Variants in NRG4 observed in about 807,000 individuals in gnomAD.
NRG4 encodes neuregulin 4.
In NRG4, 10 loss-of-function variants were observed where a neutral mutation model predicts 15.0. The observed-to-expected ratio is 0.67, with a 90% CI of 0.41 to 1.13. The LOEUF (loss-of-function observed/expected upper bound fraction) is 1.13, where lower values mean the gene tolerates loss of function less well. Ranked by LOEUF, NRG4 falls within the 50% of genes most tolerant of loss-of-function variation. NRG4 has a pLI of 0.00. For missense variants in NRG4, 139 were observed against 140.2 expected (o/e 0.99, Z 0.04); for synonymous variants, 41 against 50.1 (o/e 0.82, Z 0.77).
downstream of NRG4, chr15:75,940,429 TAC>T (rs939881382): frequency 2.0e-5 from 3 of 150,872 alleles, no homozygotes; most frequent in African/African-American, 7.3e-5. Context: ...GCAGATTCAC[TAC>T]AGTCTCTATC....
At chr15:76,054,509 G>A (rs565784686) in intron 2 of NRG4, among the ~76,000 whole-genome samples, 8 of 152,072 alleles carry the variant, frequency 5.3e-5, no homozygotes, top group Non-Finnish European at 1.0e-4. Flanking sequence ...CCGCCTCCCC[G>A]GTTCAAGCGA....
chr15:76,011,209 A>G lies in NRG4; in HGVS notation c.10+12T>C. 7.0e-7 allele frequency: 1 copy of G among 1,431,764 alleles called. No homozygotes were observed. Among genetic ancestry groups the G allele is most frequent in the Non-Finnish European group, 9.2e-7 (1 of 1,081,344 alleles). 88.7% of individuals were successfully genotyped at this position (1,431,764 alleles called of 1,614,324 possible). A position where few individuals can be genotyped will look rare whatever the true frequency, so the allele number is the denominator to read the frequency against. On this transcript the variant is annotated intron_variant, in intron 2 of 5. Transcript: ENST00000394907. ...CATATTGACAAAAACATATAAATATATAAGAAATTACCTGTTGGCATCTTA... is the reference window on the plus strand; with the variant it reads ...CATATTGACAAAAACATATAAATATGTAAGAAATTACCTGTTGGCATCTTA...
At chr15:76,041,971 A>G (rs2035754012) in intron 4 of NRG4, among the ~76,000 whole-genome samples, 1 of 152,212 alleles carries the variant, frequency 6.6e-6, no homozygotes, top group African/African-American at 2.4e-5. Flanking sequence ...TTGAAATAAT[A>G]TCAAACATCT....
intron 1 of NRG4, chr15:76,012,072 CAG>C (rs905050891): frequency 6.6e-6 from 1 of 151,980 alleles, no homozygotes; most frequent in African/African-American, 2.4e-5. Context: ...CTGACCTAAA[CAG>C]AAAGACTCTA....
At chr15:76,002,150 T>C (rs1387936142) in intron 3 of NRG4, among the ~76,000 whole-genome samples, 2 of 152,248 alleles carry the variant, frequency 1.3e-5, no homozygotes, top group Middle Eastern at 3.4e-3. Context: ...AATGGACTTA[T>C]CACTAAACAT....
At chr15:76,054,258 TTAAAA>T in intron 2 of NRG4, among the ~76,000 whole-genome samples, 1 of 150,676 alleles carries the variant, frequency 6.6e-6, no homozygotes, top group East Asian at 1.9e-4. Context: ...TGGCTAATTC[TTAAAA>T]TATTTTTGGT....
chr15:75,998,332 G>T (rs1466771448), intron 3 of NRG4, among the ~76,000 whole-genome samples: 1 of 152,170 alleles, frequency 6.6e-6, no homozygotes, highest in East Asian at 1.9e-4. Flanking sequence ...AATAGGCGAA[G>T]AATGGGTTTT....
At chr15:75,988,853 CTTTTTTTTTTTTT>C (rs71444946) in intron 3 of NRG4, among the ~76,000 whole-genome samples, 6 of 109,652 alleles carry the variant, frequency 5.5e-5, no homozygotes, top group African/African-American at 2.1e-4. Context: ...CTGCACCTTC[CTTTTTTTTTTTTT>C]TTTTTTTTTG....
At chr15:76,051,565 CTTTTT>C (rs917470740) in intron 4 of NRG4, among the ~76,000 whole-genome samples, 6 of 133,484 alleles carry the variant, frequency 4.5e-5, no homozygotes, top group African/African-American at 8.5e-5. Flanking sequence ...GAACAATCTT[CTTTTT>C]TTTTTTTTTT....
upstream of NRG4, among the ~76,000 whole-genome samples, chr15:76,014,440 T>C (rs903474537): frequency 1.4e-4 from 22 of 152,358 alleles, no homozygotes; most frequent in African/African-American, 5.3e-4. Flanking sequence ...CTGAATGGTA[T>C]TGCCTAGGTT....
intron 5 of NRG4, among the ~76,000 whole-genome samples, chr15:75,952,404 T>C (rs1028607382): frequency 6.6e-6 from 1 of 152,210 alleles, no homozygotes; most frequent in Non-Finnish European, 1.5e-5. Context: ...TTGCAGCATA[T>C]ATTACTACTT....
Position 76,009,312 on chromosome 15 carries a change from TA to T in NRG4, c.11-20del. ...TCGTGATCTAGAACACATACATATA[TA>T]AAATAGAGAAAAGCAAATTAAAGTT... On this transcript the variant is annotated intron_variant, in intron 2 of 5. Coordinates refer to ENST00000394907, the MANE Select transcript of NRG4 (RefSeq NM_138573.4). 1 of 1,306,090 alleles carries T rather than the reference TA, an allele frequency of 7.7e-7. No homozygotes were observed. The highest frequency in any genetic ancestry group is 1.1e-6 in the Non-Finnish European group (1 of 945,096). The allele number at this position is 1,306,090 out of a possible 1,614,324, so 80.9% of individuals were successfully genotyped here.
intron 3 of NRG4, among the ~76,000 whole-genome samples, chr15:75,994,644 C>T (rs1025089257): frequency 3.3e-5 from 5 of 152,182 alleles, no homozygotes; most frequent in Admixed American, 2.6e-4. Flanking sequence ...TTAATCAGAA[C>T]TTATATTGAT....
At chr15:76,022,140 G>A (rs1245056610) in intron 5 of NRG4, among the ~76,000 whole-genome samples, 2 of 152,168 alleles carry the variant, frequency 1.3e-5, no homozygotes, top group Non-Finnish European at 2.9e-5. Flanking sequence ...GCCACAGTCT[G>A]GTACTGGTCT....
intron 3 of NRG4, among the ~76,000 whole-genome samples, chr15:75,988,439 G>A (rs987763358): frequency 2.0e-5 from 3 of 152,030 alleles, no homozygotes; most frequent in Non-Finnish European, 2.9e-5. Context: ...TGCCCACTTC[G>A]GCCTCCCAAA....
At chr15:76,041,128 C>G in intron 4 of NRG4, among the ~76,000 whole-genome samples, 1 of 151,988 alleles carries the variant, frequency 6.6e-6, no homozygotes, top group Admixed American at 6.5e-5. Context: ...TATTTGCAAG[C>G]TTTATGGTAA....
chr15:75,939,459 T>C (rs1306522477), downstream of NRG4: 4 of 152,198 alleles, frequency 2.6e-5, no homozygotes, highest in Admixed American at 2.6e-4. Flanking sequence ...CTGGACCTGA[T>C]GGTTTTCATT....
rs2036123753 is a variant in NRG4 at position 76,055,175 on chromosome 15, C to T, written c.-262+1779G>A. Among the ~76,000 whole-genome samples the T allele has an allele frequency of 2.6e-5, 4 of 152,044 alleles. No individual in the cohort carries two copies. The South Asian group carries it at 6.2e-4, about 24-fold the overall frequency. On this transcript the variant is annotated intron_variant, in intron 2 of 8. Transcript: ENST00000563910. Reference sequence around the variant, plus strand: ...CTGGGCGCCTGTAGTCCCAGCTACTCGGGAGGTTGAGGCAGGAGAATTGCT... The same window carrying T: ...CTGGGCGCCTGTAGTCCCAGCTACTTGGGAGGTTGAGGCAGGAGAATTGCT...
At chr15:75,943,907 A>C (rs1595935378) in intron 5 of NRG4, among the ~76,000 whole-genome samples, 4 of 149,706 alleles carry the variant, frequency 2.7e-5, no homozygotes, top group Admixed American at 6.7e-5. Flanking sequence ...GCCTGCCCAC[A>C]CCCCCCGCCC....
Sources: gnomAD v4.1 joint callset for allele counts (sites outside exome capture counted in the v4.1 genomes callset) on GRCh38, gnomAD v4.1.1 for gene constraint, MANE v1.5 for transcripts, NCBI Gene and HGNC (gene_info 2026-07-23, HGNC 2026-07-21) for gene names.